The following KCNMB4 variants were observed in gnomAD, a reference collection of about 807,000 sequenced individuals.
KCNMB4 encodes the protein calcium-activated potassium channel subunit beta-4.
KCNMB4 carries 3 observed loss-of-function variants against 20.7 expected under a neutral mutation model. The ratio of observed to expected loss-of-function variants is 0.14; its 90% CI spans 0.07 to 0.37. The LOEUF (loss-of-function observed/expected upper bound fraction) is 0.37, where lower values mean the gene tolerates loss of function less well. KCNMB4 is among the 10% of genes least tolerant of loss of function. KCNMB4 has a pLI of 1.00. For synonymous variants in KCNMB4, 110 were observed against 113.4 expected (o/e 0.97, Z 0.19); for missense variants, 168 against 265.9 (o/e 0.63, Z 2.56).
intron 2 of KCNMB4, among the ~76,000 whole-genome samples, chr12:70,425,174 T>C (rs922998878): frequency 2.0e-5 from 3 of 152,020 alleles, no homozygotes; most frequent in Non-Finnish European, 4.4e-5. Context: ...TGGTGGCTCA[T>C]GCCTGTAATC....
intron 1 of KCNMB4, among the ~76,000 whole-genome samples, chr12:70,388,289 G>C (rs952809722): frequency 7.2e-5 from 11 of 152,142 alleles, no homozygotes; most frequent in African/African-American, 2.7e-4. Context: ...AACAAATACA[G>C]GAGTGCAGAC....
intron 2 of KCNMB4, among the ~76,000 whole-genome samples, chr12:70,424,442 G>GAA (rs35459349): frequency 0.15 from 20,728 of 135,596 alleles, 1,709 homozygotes; most frequent in South Asian, 0.23. Flanking sequence ...CTCCATCTCA[G>GAA]AAAAAAAAAA....
chr12:70,381,775 GA>G (rs1256019171), intron 1 of KCNMB4, among the ~76,000 whole-genome samples: 1 of 152,158 alleles, frequency 6.6e-6, no homozygotes, highest in Non-Finnish European at 1.5e-5. Flanking sequence ...TTGGTGTAAT[GA>G]AAACATTCTA....
chr12:70,377,657 A>AT (rs924495579), intron 1 of KCNMB4, among the ~76,000 whole-genome samples: 13 of 152,328 alleles, frequency 8.5e-5, no homozygotes, highest in African/African-American at 2.9e-4. Flanking sequence ...ATGTGATGCT[A>AT]TTTAATAGCA....
chr12:70,379,531 C>A (rs1447597729), intron 1 of KCNMB4, among the ~76,000 whole-genome samples: 1 of 152,154 alleles, frequency 6.6e-6, no homozygotes, highest in Admixed American at 6.5e-5. Flanking sequence ...ATCCTCCCAC[C>A]TCAGCCTCCC....
intron 2 of KCNMB4, among the ~76,000 whole-genome samples, chr12:70,408,451 A>G (rs1868673620): frequency 6.6e-6 from 1 of 152,228 alleles, no homozygotes; most frequent in Non-Finnish European, 1.5e-5. Flanking sequence ...GACTTTCAAG[A>G]AAAGGGTGTT....
Position 70,433,444 on chromosome 12 carries a change from A to G in KCNMB4, c.*2791A>G, listed in dbSNP as rs540073957. 1 of 152,310 alleles carries G rather than the reference A, an allele frequency of 6.6e-6. No individual in the cohort carries two copies. Among genetic ancestry groups the G allele is most frequent in the Admixed American group, 6.5e-5 (1 of 15,298 alleles). 9.4% of individuals were successfully genotyped at this position (152,310 alleles called of 1,614,324 possible). A position where few individuals can be genotyped will look rare whatever the true frequency, so the allele number is the denominator to read the frequency against. On this transcript the variant is annotated 3_prime_UTR_variant, in exon 3 of 3. Coordinates refer to ENST00000258111, the MANE Select transcript of KCNMB4 (RefSeq NM_014505.6). ...CTGGCTCAAGACTTCCTAGCCTGTG[A>G]AAAAAGAAGAAGGTGGAGCAAGCCA...
At chr12:70,384,076 A>G (rs1020336497) in intron 1 of KCNMB4, among the ~76,000 whole-genome samples, 10 of 152,106 alleles carry the variant, frequency 6.6e-5, no homozygotes, top group Middle Eastern at 3.2e-3. Flanking sequence ...CTCAAAACAA[A>G]CAAAAAACAC....
intron 1 of KCNMB4, among the ~76,000 whole-genome samples, chr12:70,387,416 T>G (rs1176296568): frequency 4.6e-5 from 6 of 129,914 alleles, no homozygotes; most frequent in Admixed American, 1.7e-4. Flanking sequence ...TTTTTTTTTT[T>G]TGTGAGATGG....
intron 1 of KCNMB4, among the ~76,000 whole-genome samples, chr12:70,398,943 A>G (rs1279928486): frequency 6.6e-6 from 1 of 152,214 alleles, no homozygotes; most frequent in African/African-American, 2.4e-5. Flanking sequence ...GGCTCCCTCA[A>G]GTAGGTAACA....
At chr12:70,430,305 CAA>C (rs1869329294) in intron 2 of KCNMB4, among the ~76,000 whole-genome samples, 178 bp from the exon 3 acceptor site, 2 of 152,150 alleles carry the variant, frequency 1.3e-5, no homozygotes, top group Non-Finnish European at 2.9e-5. Context: ...TTACTTGACT[CAA>C]GAGCTCAAAA....
At chr12:70,393,460 C>A (rs1868319049) in intron 1 of KCNMB4, among the ~76,000 whole-genome samples, 1 of 152,106 alleles carries the variant, frequency 6.6e-6, no homozygotes, top group Non-Finnish European at 1.5e-5. Flanking sequence ...CTTGGCCCCC[C>A]AAAGTGCTGG....
intron 2 of KCNMB4, 108 bp from the exon 3 acceptor site, chr12:70,430,376 TA>T: frequency 8.6e-7 from 1 of 1,156,208 alleles, no homozygotes; most frequent in Non-Finnish European, 1.3e-6. Context: ...GTGCAGCCTT[TA>T]CTTTCAATAA....
chr12:70,417,846 A>G (rs1414369853), intron 2 of KCNMB4, among the ~76,000 whole-genome samples: 1 of 152,000 alleles, frequency 6.6e-6, no homozygotes. Flanking sequence ...CTCTTCTAGG[A>G]GCGGGAATAC....
At chr12:70,367,549 G>A (rs181673400) in intron 1 of KCNMB4, among the ~76,000 whole-genome samples, 1 of 152,154 alleles carries the variant, frequency 6.6e-6, no homozygotes, top group Admixed American at 6.5e-5. Flanking sequence ...TTGTGAGAGA[G>A]TTCCTCACCT....
At chr12:70,411,594 T>A (rs1370060571) in intron 2 of KCNMB4, among the ~76,000 whole-genome samples, 1 of 152,174 alleles carries the variant, frequency 6.6e-6, no homozygotes, top group Non-Finnish European at 1.5e-5. Flanking sequence ...ATCACTCTGG[T>A]ATCATGGTTG....
At chr12:70,424,768 T>C (rs1315206713) in intron 2 of KCNMB4, among the ~76,000 whole-genome samples, 2 of 151,146 alleles carry the variant, frequency 1.3e-5, no homozygotes, top group Non-Finnish European at 3.0e-5. Flanking sequence ...AAAAGAATAC[T>C]ACAAAGGGTC....
At chr12:70,407,365 C>T (rs560281948) in intron 2 of KCNMB4, among the ~76,000 whole-genome samples, 7 of 149,822 alleles carry the variant, frequency 4.7e-5, no homozygotes, top group Admixed American at 1.3e-4. Flanking sequence ...TACATAGGCA[C>T]GATTGATTAC....
At chr12:70,428,255 A>G (rs113752390) in intron 2 of KCNMB4, among the ~76,000 whole-genome samples, 225 of 152,292 alleles carry the variant, frequency 1.5e-3, no homozygotes, top group Non-Finnish European at 2.0e-3. Flanking sequence ...CTGTCTCCCA[A>G]AGTGCTGGGA....
Sources: allele counts gnomAD v4.1 joint callset (sites outside exome capture counted in the v4.1 genomes callset), GRCh38; gene constraint gnomAD v4.1.1; transcripts MANE v1.5; gene names NCBI Gene and HGNC (gene_info 2026-07-23, HGNC 2026-07-21).